The following GLS variants were observed in gnomAD, a reference collection of about 807,000 sequenced individuals.
GLS encodes glutaminase kidney isoform, mitochondrial.
GLS carries 36 observed loss-of-function variants against 86.7 expected under a neutral mutation model. The ratio of observed to expected loss-of-function variants is 0.42; its 90% CI spans 0.32 to 0.55. The LOEUF is 0.55. Ranked by LOEUF, GLS falls within the 20% of genes least tolerant of loss-of-function variation. The pLI is 0.17. For missense variants in GLS, 528 were observed against 833.4 expected, an observed-to-expected ratio of 0.63 and a Z score of 4.51; for synonymous variants, 317 against 305.9, an observed-to-expected ratio of 1.04 and a Z score of -0.38.
At chr2:190,886,347 C>G (rs1244828606) in intron 1 of GLS, among the ~76,000 whole-genome samples, 1 of 152,118 alleles carries the variant, frequency 6.6e-6, no homozygotes, top group Non-Finnish European at 1.5e-5. Context: ...GGATGAAATT[C>G]ACTGAAAGAA....
At chr2:190,932,753 A>G in intron 14 of GLS, 2 of 1,603,576 alleles carry the variant, frequency 1.2e-6, no homozygotes, top group Non-Finnish European at 8.5e-7. Flanking sequence ...AGTCTCCAAC[A>G]AGAACTTGCT....
In GLS at chr2:190,897,457, AT is replaced by A. The variant is rs1439378673; in HGVS notation, c.605+1733del. 6.6e-6 allele frequency among the ~76,000 whole-genome samples: 1 copy of A among 152,200 alleles called. No individual in the cohort carries two copies. The highest frequency in any genetic ancestry group is 1.5e-5 in the Non-Finnish European group (1 of 68,028). On this transcript the variant is annotated intron_variant, in intron 3 of 17. Transcript: ENST00000320717. This position sits in a 1 kb window ranked among gnomAD's most constrained non-coding sequence, Gnocchi z 4.3. ...ATAGTAATTATTGTTTTAAACACTA[AT>A]CCAATTTTTAAAAATCTATGCTTGT...
chr2:190,933,118 A>T (rs1363742488), intron 14 of GLS: 6 of 902,458 alleles, frequency 6.6e-6, no homozygotes, highest in Middle Eastern at 5.3e-4. Flanking sequence ...AAAAATTTAA[A>T]TTTTTTTTGA....
intron 12 of GLS, among the ~76,000 whole-genome samples, chr2:190,928,633 C>A (rs893550011): frequency 5.3e-5 from 8 of 151,422 alleles, no homozygotes; most frequent in Non-Finnish European, 7.4e-5. Flanking sequence ...TTGCACCTGG[C>A]CTATTATATT....
rs1039968472 is a variant in GLS at position 190,949,380 on chromosome 2, G to T, written c.1651-4185G>T. Among the ~76,000 whole-genome samples, 1 of 152,100 alleles carries T rather than the reference G, an allele frequency of 6.6e-6. No individual in the cohort carries two copies. Among genetic ancestry groups the T allele is most frequent in the Non-Finnish European group, 1.5e-5 (1 of 68,026 alleles). ...TTAATGATTGAATAAATCTTGTAAT[G>T]ATATTCAAAGATGTAAAAGTTAAGG... On this transcript the variant is annotated intron_variant, in intron 14 of 17. Transcript: ENST00000320717. The surrounding 1 kb of genome is among the most constrained non-coding windows in gnomAD (Gnocchi z 4.0).
chr2:190,932,826 A>T (rs1217502484), intron 14 of GLS: 13 of 1,587,308 alleles, frequency 8.2e-6, no homozygotes, highest in Non-Finnish European at 1.1e-5. Flanking sequence ...CTACAACTGT[A>T]GTATATAGAA....
Position 190,920,989 on chromosome 2 carries a change from A to G in GLS, c.1039-35A>G, listed in dbSNP as rs1216461912. 2 of 1,194,726 alleles carry G rather than the reference A, an allele frequency of 1.7e-6. No homozygotes were observed. Among genetic ancestry groups the G allele is most frequent in the African/African-American group, 1.5e-5 (1 of 66,952 alleles). 74.0% of individuals were successfully genotyped at this position (1,194,726 alleles called of 1,614,324 possible). A position where few individuals can be genotyped will look rare whatever the true frequency, so the allele number is the denominator to read the frequency against. On this transcript the variant is annotated intron_variant, in intron 7 of 17. Coordinates refer to ENST00000320717, the MANE Select transcript of GLS (RefSeq NM_014905.5). The surrounding 1 kb of genome is among the most constrained non-coding windows in gnomAD (Gnocchi z 4.2). ...TTGAAACTTAACTGTAGTGGTACCTATATTAACGTATTTATGTCTCTTATT... is the reference window on the plus strand; with the variant it reads ...TTGAAACTTAACTGTAGTGGTACCTGTATTAACGTATTTATGTCTCTTATT...
intron 4 of GLS, among the ~76,000 whole-genome samples, chr2:190,901,240 G>A (rs1363573078): frequency 6.6e-6 from 1 of 151,852 alleles, no homozygotes; most frequent in Non-Finnish European, 1.5e-5. Context: ...AAGCGTTACC[G>A]ATAACATAAA....
rs960306935 is a variant in GLS, at chr2:190,930,795, T to A, written c.1557+227T>A. Among the ~76,000 whole-genome samples, 1 of 152,214 alleles carries A rather than the reference T, an allele frequency of 6.6e-6. No individual in the cohort carries two copies. The highest frequency in any genetic ancestry group is 1.5e-5 in the Non-Finnish European group (1 of 68,030). On this transcript the variant is annotated intron_variant, in intron 13 of 17. Transcript: ENST00000320717. The surrounding 1 kb of genome is among the most constrained non-coding windows in gnomAD (Gnocchi z 5.0). ...TTATATTTGTTAGATGCTAATATTT[T>A]AATTTTCATGGTTATAATTAGTATG...
At chr2:190,890,978 A>C (rs944937974) in intron 1 of GLS, among the ~76,000 whole-genome samples, 1 of 152,142 alleles carries the variant, frequency 6.6e-6, no homozygotes, top group Non-Finnish European at 1.5e-5. Context: ...AAATAAGACC[A>C]TACAGTTGGT....
At chr2:190,902,085 G>A (rs1484990972) in intron 5 of GLS, 59 bp downstream of exon 5, 3 of 916,802 alleles carry the variant, frequency 3.3e-6, no homozygotes, top group East Asian at 4.8e-5. Context: ...GTATAATGGT[G>A]AGAATGACAT....
intron 11 of GLS, among the ~76,000 whole-genome samples, chr2:190,925,536 A>G (rs1431127632): frequency 6.6e-6 from 1 of 152,170 alleles, no homozygotes; most frequent in African/African-American, 2.4e-5. Flanking sequence ...GATTTAACAC[A>G]GTTGGTGCCA....
intron 11 of GLS, among the ~76,000 whole-genome samples, chr2:190,926,041 C>T (rs527933799): frequency 6.6e-6 from 1 of 152,080 alleles, no homozygotes; most frequent in South Asian, 2.1e-4. Flanking sequence ...TGTGACATTT[C>T]TATACTTCAT....
At chr2:190,907,323 T>C (rs1320230723) in intron 6 of GLS, among the ~76,000 whole-genome samples, 1 of 149,122 alleles carries the variant, frequency 6.7e-6, no homozygotes, top group Non-Finnish European at 1.5e-5. Context: ...CTCGGCGCAA[T>C]CTCGGCTCAC....
chr2:190,963,090 T>G lies in GLS; in HGVS notation c.*104T>G, dbSNP rs573391405. The G allele has an allele frequency of 4.8e-6, 4 of 825,716 alleles. No homozygotes were observed. Among genetic ancestry groups the G allele is most frequent in the Non-Finnish European group, 7.4e-6 (4 of 542,452 alleles). The allele number at this position is 825,716 out of a possible 1,614,324, so 51.1% of individuals were successfully genotyped here. ...CTGGTAGTGATGTATATTTTACATT[T>G]GTCATTTCAGTGTTACTGGAGTTTT... is the stretch of plus-strand genomic sequence containing the variant. On this transcript the variant is annotated 3_prime_UTR_variant, in exon 18 of 18. Coordinates refer to ENST00000320717, the MANE Select transcript of GLS (RefSeq NM_014905.5).
rs1238114169 is a variant in GLS at position 190,965,485 on chromosome 2, T to C, written c.*2499T>C. 4 of 152,660 alleles carry C rather than the reference T, an allele frequency of 2.6e-5. No individual in the cohort carries two copies. The highest frequency in any genetic ancestry group is 4.4e-5 in the Non-Finnish European group (3 of 68,038). The allele number at this position is 152,660 out of a possible 1,614,324, so 9.5% of individuals were successfully genotyped here. A position where few individuals can be genotyped will look rare whatever the true frequency, so the allele number is the denominator to read the frequency against. On this transcript the variant is annotated 3_prime_UTR_variant, in exon 18 of 18. Transcript: ENST00000320717. The surrounding 1 kb of genome is among the most constrained non-coding windows in gnomAD (Gnocchi z 5.0). ...GTAAGTATTCTGAAATTGGGAAACA[T>C]TTATTTTAAATGCAATCAGGTAGTG...
chr2:190,961,650 A>AAAC (rs1346589446), intron 17 of GLS, among the ~76,000 whole-genome samples: 1 of 151,616 alleles, frequency 6.6e-6, no homozygotes, highest in Non-Finnish European at 1.5e-5. Context: ...CTGACTTCCT[A>AAAC]AACTAATGAA....
At position 190,881,425 on chromosome 2, in the gene GLS, C is replaced by G. The variant is rs1472424398; in HGVS notation, c.341C>G (p.Ala114Gly). The G allele has an allele frequency of 6.5e-7, 1 of 1,545,814 alleles. No individual in the cohort carries two copies. ...GPKDGPGETD[A>G]FGNSEGKELV... Reference sequence around the variant, plus strand: ...AAGGACGGCCCCGGGGAGACGGACGCGTTTGGCAACAGCGAGGGCAAAGAG... The same window carrying G: ...AAGGACGGCCCCGGGGAGACGGACGGGTTTGGCAACAGCGAGGGCAAAGAG... Residue 114 changes from alanine (A) to glycine (G), a missense_variant, in exon 1 of 18, where the codon GCG (alanine) becomes GGG (glycine). Physicochemically the swap from Ala to Gly is moderately conservative, Grantham distance 60. This residue lies in a region of GLS where 224 missense variants were observed against 187.9 expected (regional missense o/e 1.19). Transcript: ENST00000320717.
intron 1 of GLS, among the ~76,000 whole-genome samples, chr2:190,893,352 C>G (rs1688626347): frequency 6.6e-6 from 1 of 152,148 alleles, no homozygotes; most frequent in Non-Finnish European, 1.5e-5. Flanking sequence ...AACCTCTGAG[C>G]CTCTGTTTCC....
Sources: allele counts gnomAD v4.1 joint callset (sites outside exome capture counted in the v4.1 genomes callset), GRCh38; gene constraint gnomAD v4.1.1; regional missense constraint gnomAD v4.1.1; non-coding constraint Gnocchi (gnomAD v3.1); transcripts MANE v1.5; gene names NCBI Gene and HGNC (gene_info 2026-07-23, HGNC 2026-07-21).